WFDC13: variants seen among roughly 807,000 people sequenced by gnomAD.
The protein encoded by WFDC13 is WAP four-disulfide core domain protein 13.
WFDC13 carries 6 observed loss-of-function variants against 10.9 expected under a neutral mutation model. The observed-to-expected ratio is 0.55, with a 90% confidence interval of 0.30 to 1.09. The LOEUF (loss-of-function observed/expected upper bound fraction) is 1.09, where lower values mean the gene tolerates loss of function less well. WFDC13 is among the 50% of genes least tolerant of loss of function. The pLI, the probability that WFDC13 is intolerant of heterozygous loss-of-function variation, is 0.06. For synonymous variants in WFDC13, 38 were observed against 39.5 expected (o/e 0.96, Z 0.14); for missense variants, 104 against 109.6 (o/e 0.95, Z 0.23).
intron 2 of WFDC13, chr20:45,705,203 T>C (rs549013369): frequency 3.6e-6 from 2 of 549,634 alleles, no homozygotes; most frequent in East Asian, 5.9e-5. Flanking sequence ...TTCCCTCTTT[T>C]TTACTTTCTT....
At chr20:45,706,660 T>TA (rs1984403134) in intron 3 of WFDC13, among the ~76,000 whole-genome samples, 1 of 151,838 alleles carries the variant, frequency 6.6e-6, no homozygotes, top group Non-Finnish European at 1.5e-5. Context: ...GAATCCCAGC[T>TA]ACTCAGGAGG....
At chr20:45,703,844 G>T (rs903779936) in intron 1 of WFDC13, among the ~76,000 whole-genome samples, 4 of 152,144 alleles carry the variant, frequency 2.6e-5, no homozygotes, top group Non-Finnish European at 5.9e-5. Context: ...ATCTTTGAAC[G>T]CCATTCTGAA....
Position 45,704,571 on chromosome 20 carries a change from A to G in WFDC13, c.216A>G (p.Ser72=). ...CSSFCGIVCS[S]ETFQKRNRIK... ...CCTTCTGTGGGATAGTCTGTTCATCAGAAACATTTCAAAAGCGCAACAGGT... is the reference window on the plus strand; with the variant it reads ...CCTTCTGTGGGATAGTCTGTTCATCGGAAACATTTCAAAAGCGCAACAGGT... Residue 72 remains serine, a synonymous_variant, in exon 2 of 4, where the codon TCA becomes TCG. Coordinates refer to ENST00000305479, the MANE Select transcript of WFDC13 (RefSeq NM_172005.2). 6.2e-7 allele frequency: 1 copy of G among 1,614,178 alleles called. No individual in the cohort carries two copies. Among genetic ancestry groups the G allele is most frequent in the Non-Finnish European group, 8.5e-7 (1 of 1,180,028 alleles).
chr20:45,704,278 C>G (rs1446613804), intron 1 of WFDC13, among the ~76,000 whole-genome samples, 166 bp from the exon 2 acceptor site: 2 of 152,202 alleles, frequency 1.3e-5, no homozygotes, highest in East Asian at 3.8e-4. Flanking sequence ...CTGCTCAGAA[C>G]TCAGAGGAAG....
At chr20:45,706,018 C>T in intron 3 of WFDC13, 91 bp downstream of exon 3, 1 of 1,104,604 alleles carries the variant, frequency 9.1e-7, no homozygotes, top group Non-Finnish European at 1.4e-6. Context: ...GCACTACATT[C>T]CCACAAGCTC....
chr20:45,703,658 C>T (rs955406345), intron 1 of WFDC13, among the ~76,000 whole-genome samples: 2 of 152,078 alleles, frequency 1.3e-5, no homozygotes, highest in East Asian at 1.9e-4. Context: ...GGGTTGTGGA[C>T]TTAGGGAAGA....
At chr20:45,707,006 C>T (rs1285679140) in intron 3 of WFDC13, among the ~76,000 whole-genome samples, 1 of 152,202 alleles carries the variant, frequency 6.6e-6, no homozygotes, top group Non-Finnish European at 1.5e-5. Flanking sequence ...TCAGCTTAGT[C>T]CTTTTATTAA....
Position 45,708,219 on chromosome 20 carries a change from G to A in WFDC13, c.*384G>A, listed in dbSNP as rs1057056019. 2 of 152,124 alleles carry A rather than the reference G, an allele frequency of 1.3e-5. No individual in the cohort carries two copies. The highest frequency in any genetic ancestry group is 4.8e-5 in the African/African-American group (2 of 41,418). 9.4% of individuals were successfully genotyped at this position (152,124 alleles called of 1,614,324 possible). A position where few individuals can be genotyped will look rare whatever the true frequency, so the allele number is the denominator to read the frequency against. The stretch of plus-strand genomic sequence containing the variant: ...CTTGGTTGCACTCATCAGGCTAATT[G>A]ATCCCATATTTAACCTCAAGGAGAA... On this transcript the variant is annotated 3_prime_UTR_variant, in exon 4 of 4. Coordinates refer to ENST00000305479, the MANE Select transcript of WFDC13 (RefSeq NM_172005.2).
At chr20:45,707,254 T>A (rs16990589) in intron 3 of WFDC13, among the ~76,000 whole-genome samples, 6,485 of 152,308 alleles carry the variant, frequency 0.043, 124 homozygotes, top group Middle Eastern at 0.095. Flanking sequence ...CATAACCTAG[T>A]GACCCCTGAT....
intron 2 of WFDC13, chr20:45,704,946 A>T (rs1568676144): frequency 1.2e-6 from 2 of 1,614,028 alleles, no homozygotes; most frequent in Non-Finnish European, 1.7e-6. Flanking sequence ...TCCCAAAGCA[A>T]AATTTGTCCT....
At chr20:45,703,066 T>C (rs6073862) in intron 1 of WFDC13, among the ~76,000 whole-genome samples, 23,077 of 152,052 alleles carry the variant, frequency 0.15, 2,005 homozygotes, top group East Asian at 0.31. Flanking sequence ...AATTGGAGAA[T>C]CAGAATTTGA....
At chr20:45,706,049 G>T in intron 3 of WFDC13, 122 bp downstream of exon 3, 3 of 786,896 alleles carry the variant, frequency 3.8e-6, no homozygotes, top group Non-Finnish European at 6.3e-6. Context: ...CTCATTACCT[G>T]ATTGCCTCCT....
intron 1 of WFDC13, among the ~76,000 whole-genome samples, chr20:45,703,275 A>G (rs1243506786): frequency 6.6e-6 from 1 of 152,168 alleles, no homozygotes; most frequent in Non-Finnish European, 1.5e-5. Flanking sequence ...GCAGTGCCCC[A>G]GTGAGCTATA....
At chr20:45,707,150 A>G (rs1000932052) in intron 3 of WFDC13, among the ~76,000 whole-genome samples, 2 of 152,230 alleles carry the variant, frequency 1.3e-5, no homozygotes, top group Admixed American at 6.5e-5. Context: ...CAAGGTTTCT[A>G]TTAAATTAAA....
At position 45,704,966 on chromosome 20, in the gene WFDC13, C is replaced by T. The variant is rs373376690; in HGVS notation, c.239+372C>T. The stretch of plus-strand genomic sequence containing the variant: ...AAGCAAAATTTGTCCTACACTTTTG[C>T]TTGCCCTCCTTTCACAAGACACCAT... On this transcript the variant is annotated intron_variant, in intron 2 of 3. Transcript: ENST00000305479. 25 of 1,614,042 alleles carry T rather than the reference C, an allele frequency of 1.5e-5. No individual in the cohort carries two copies. The African/African-American group carries it at 3.2e-4, about 21-fold the overall frequency.
intron 2 of WFDC13, 183 bp downstream of exon 2, chr20:45,704,777 C>A: frequency 8.1e-7 from 1 of 1,235,610 alleles, no homozygotes. Context: ...ATTAGAAAAG[C>A]CCTCCTCCCC....
rs532865790 is a variant in WFDC13 at position 45,704,769 on chromosome 20, T to A, written c.239+175T>A. The A allele has an allele frequency of 3.8e-6, 5 of 1,310,936 alleles. No homozygotes were observed. The East Asian group carries it at 1.2e-4, about 30-fold the overall frequency. The allele number at this position is 1,310,936 out of a possible 1,614,324, so 81.2% of individuals were successfully genotyped here. A position where few individuals can be genotyped will look rare whatever the true frequency, so the allele number is the denominator to read the frequency against. ...GGATAATTTCCATAAAAGTCCTGAT[T>A]AGAAAAGCCCTCCTCCCCTCCCAAT... On this transcript the variant is annotated intron_variant, in intron 2 of 3. Transcript: ENST00000305479.
At chr20:45,705,359 T>A (rs747158654) in intron 2 of WFDC13, among the ~76,000 whole-genome samples, 8 of 152,182 alleles carry the variant, frequency 5.3e-5, no homozygotes, top group Non-Finnish European at 1.0e-4. Context: ...TTCCCTACCA[T>A]GAGCAGAATA....
intron 3 of WFDC13, among the ~76,000 whole-genome samples, chr20:45,707,470 A>G (rs543862197): frequency 6.6e-6 from 1 of 152,202 alleles, no homozygotes; most frequent in South Asian, 2.1e-4. Context: ...ATGAATTACA[A>G]TAAAATAAAA....
Sources: gnomAD v4.1 joint callset for allele counts (sites outside exome capture counted in the v4.1 genomes callset) on GRCh38, gnomAD v4.1.1 for gene constraint, MANE v1.5 for transcripts, NCBI Gene and HGNC (gene_info 2026-07-23, HGNC 2026-07-21) for gene names.